FABP12: variants seen among roughly 807,000 people sequenced by gnomAD.
FABP12 encodes fatty acid-binding protein 12.
A neutral mutation model predicts 13.7 loss-of-function variants in FABP12; 19 were observed. The ratio of observed to expected loss-of-function variants is 1.39; its 90% CI spans 0.97 to 2.04. The LOEUF is 2.04. Ranked by LOEUF, FABP12 falls within the 30% of genes most tolerant of loss-of-function variation. The pLI, the probability that FABP12 is intolerant of heterozygous loss-of-function variation, is 0.00. For synonymous variants in FABP12, 61 were observed against 57.0 expected (o/e 1.07, Z -0.32); for missense variants, 182 against 164.2 (o/e 1.11, Z -0.59).
At chr8:81,573,667 T>C (rs1038641235) in intron 1 of FABP12, among the ~76,000 whole-genome samples, 6 of 152,170 alleles carry the variant, frequency 3.9e-5, no homozygotes, top group African/African-American at 1.2e-4. Context: ...TTTCGATTCC[T>C]TGGTTAGGTA....
chr8:81,546,966 C>A (rs2130002929), intron 1 of FABP12, among the ~76,000 whole-genome samples: 1 of 152,282 alleles, frequency 6.6e-6, no homozygotes, highest in East Asian at 1.9e-4. Flanking sequence ...CTTGCTCAAG[C>A]AGGTTCCTAA....
At position 81,556,623 on chromosome 8, in the gene FABP12, G is replaced by C. The variant is rs181026105; in HGVS notation, c.-184-16880C>G. ...ATAAAAATATAAAATATTAAAGTAG[G>C]AAAATATCCCATAGAAATAATGCAT... On this transcript the variant is annotated intron_variant, in intron 1 of 5. Coordinates refer to the FABP12 transcript ENST00000692030. Among the ~76,000 whole-genome samples, 9 of 151,018 alleles carry C rather than the reference G, an allele frequency of 6.0e-5. No individual in the cohort carries two copies. In the East Asian group the frequency reaches 1.7e-3, roughly 29 times the overall value.
chr8:81,567,850 G>C lies in FABP12; in HGVS notation c.-185+22203C>G, dbSNP rs796404094. On this transcript the variant is annotated intron_variant, in intron 1 of 5. Transcript: ENST00000692030. ...AAAAAGTTTCCACACGGCCGGGCGC[G>C]GTGGCTCACGCCTGTAATCCCAGCA... Among the ~76,000 whole-genome samples the C allele has an allele frequency of 7.2e-5, 11 of 151,976 alleles. 1 individual carries two copies. The highest frequency in any genetic ancestry group is 2.4e-4 in the African/African-American group (10 of 41,252).
At chr8:81,537,840 C>T (rs1809260642), upstream of FABP12, among the ~76,000 whole-genome samples, 2 of 152,282 alleles carry the variant, frequency 1.3e-5, no homozygotes, top group South Asian at 4.1e-4. Flanking sequence ...TAACATGGCA[C>T]TGCTCCATGC....
At chr8:81,589,430 C>CA (rs112494458) in intron 1 of FABP12, among the ~76,000 whole-genome samples, 3,823 of 152,108 alleles carry the variant, frequency 0.025, 125 homozygotes, top group African/African-American at 0.077. Flanking sequence ...CTGTCTGCAA[C>CA]ATCTCTCCAG....
chr8:81,580,050 G>A (rs1337107720), intron 1 of FABP12, among the ~76,000 whole-genome samples: 1 of 152,172 alleles, frequency 6.6e-6, no homozygotes, highest in Non-Finnish European at 1.5e-5. Context: ...TTGCCAGTAA[G>A]AGAAAAGCGT....
intron 1 of FABP12, among the ~76,000 whole-genome samples, chr8:81,541,910 T>TTA (rs1563547038): frequency 1.3e-4 from 9 of 71,150 alleles, no homozygotes; most frequent in Non-Finnish European, 2.1e-4. Flanking sequence ...TCCCAGGGTT[T>TTA]AAAAAAAAAA....
intron 1 of FABP12, among the ~76,000 whole-genome samples, chr8:81,585,099 T>C (rs547097589): frequency 1.2e-4 from 18 of 152,222 alleles, no homozygotes; most frequent in Non-Finnish European, 2.5e-4. Flanking sequence ...GTTATACCAT[T>C]TGTCAGTTTT....
chr8:81,528,493 C>A (rs1183233536), intron 3 of FABP12, among the ~76,000 whole-genome samples: 1 of 152,186 alleles, frequency 6.6e-6, no homozygotes, highest in Non-Finnish European at 1.5e-5. Context: ...CTCTCATATT[C>A]ATTTAGTAAC....
chr8:81,541,910 T>TAAAAAA (rs1167487132), intron 1 of FABP12, among the ~76,000 whole-genome samples: 42 of 71,100 alleles, frequency 5.9e-4, no homozygotes, highest in Non-Finnish European at 8.8e-4. Context: ...TCCCAGGGTT[T>TAAAAAA]AAAAAAAAAA....
intron 1 of FABP12, among the ~76,000 whole-genome samples, chr8:81,566,271 T>A (rs1420779708): frequency 6.6e-6 from 1 of 152,056 alleles, no homozygotes; most frequent in African/African-American, 2.4e-5. Flanking sequence ...CTACTCAAAC[T>A]ATTCCAAAAA....
At chr8:81,546,556 G>A (rs1809437343) in intron 1 of FABP12, among the ~76,000 whole-genome samples, 1 of 151,910 alleles carries the variant, frequency 6.6e-6, no homozygotes, top group Admixed American at 6.6e-5. Context: ...CCAGCTACTC[G>A]GAAGGCTGAG....
chr8:81,538,070 A>C (rs968985344), upstream of FABP12, among the ~76,000 whole-genome samples: 2 of 152,120 alleles, frequency 1.3e-5, no homozygotes, highest in Non-Finnish European at 2.9e-5. Context: ...GCAAATGGGG[A>C]GCTGGTGTAT....
At chr8:81,581,841 A>G (rs1810168514) in intron 1 of FABP12, among the ~76,000 whole-genome samples, 1 of 152,206 alleles carries the variant, frequency 6.6e-6, no homozygotes, top group Non-Finnish European at 1.5e-5. Flanking sequence ...CTACACCTGG[A>G]AGTGAAACAG....
intron 1 of FABP12, among the ~76,000 whole-genome samples, chr8:81,569,269 A>G (rs1332931900): frequency 6.6e-6 from 1 of 152,204 alleles, no homozygotes; most frequent in Non-Finnish European, 1.5e-5. Flanking sequence ...TTCAAAAAGT[A>G]TTTGTGTTTA....
intron 1 of FABP12, among the ~76,000 whole-genome samples, chr8:81,557,462 T>G (rs1164645003): frequency 6.6e-6 from 1 of 152,212 alleles, no homozygotes; most frequent in Non-Finnish European, 1.5e-5. Flanking sequence ...CTTATCATTT[T>G]CCACTGAATG....
chr8:81,537,032 T>G (rs1563545451), upstream of FABP12, among the ~76,000 whole-genome samples: 1 of 152,118 alleles, frequency 6.6e-6, no homozygotes, highest in Non-Finnish European at 1.5e-5. Flanking sequence ...CTATAGGCTT[T>G]CTTTTCTTGG....
chr8:81,572,545 C>T (rs1809952667), intron 1 of FABP12, among the ~76,000 whole-genome samples: 1 of 152,102 alleles, frequency 6.6e-6, no homozygotes, highest in South Asian at 2.1e-4. Flanking sequence ...TTTTCCATAG[C>T]GGCTGTACTA....
At chr8:81,529,655 T>G in intron 2 of FABP12, 45 bp from the exon 3 acceptor site, 1 of 1,492,500 alleles carries the variant, frequency 6.7e-7, no homozygotes, top group Non-Finnish European at 9.2e-7. Flanking sequence ...CATAAAGAAT[T>G]ACAAATACAT....
Sources: gnomAD v4.1 joint callset for allele counts (sites outside exome capture counted in the v4.1 genomes callset) on GRCh38, gnomAD v4.1.1 for gene constraint, MANE v1.5 for transcripts, NCBI Gene and HGNC (gene_info 2026-07-23, HGNC 2026-07-21) for gene names.